Variants in ZFHX3 observed in about 807,000 individuals in gnomAD.
ZFHX3 encodes the protein zinc finger homeobox protein 3.
In ZFHX3, 42 loss-of-function variants were observed where a neutral mutation model predicts 279.1. The ratio of observed to expected loss-of-function variants is 0.15; its 90% CI spans 0.12 to 0.19. The LOEUF (loss-of-function observed/expected upper bound fraction) is 0.19, where lower values mean the gene tolerates loss of function less well. Among genes scored for constraint, ZFHX3 ranks in the 10% least tolerant of loss-of-function variants. The probability of loss-of-function intolerance (pLI) is 1.00; values close to 1 mark genes in which losing one functional copy is unlikely to be tolerated. For synonymous variants in ZFHX3, 2,293 were observed against 1,957.8 expected, an observed-to-expected ratio of 1.17 and a Z score of -4.52; for missense variants, 4,981 against 4,754.0, an observed-to-expected ratio of 1.05 and a Z score of -1.40.
intron 4 of ZFHX3, among the ~76,000 whole-genome samples, chr16:73,276,248 A>T (rs1293251762): frequency 6.9e-6 from 1 of 145,848 alleles, no homozygotes; most frequent in African/African-American, 2.6e-5. Context: ...CAATGGTGCG[A>T]TCTCAGCTCA....
intron 4 of ZFHX3, among the ~76,000 whole-genome samples, chr16:73,281,344 C>G (rs139417080): frequency 6.6e-6 from 1 of 152,066 alleles, no homozygotes; most frequent in African/African-American, 2.4e-5. Flanking sequence ...TGGATGAACC[C>G]AGAGGACACT....
At chr16:73,121,271 TAACAC>T (rs1435379065) in intron 7 of ZFHX3, among the ~76,000 whole-genome samples, 1 of 152,230 alleles carries the variant, frequency 6.6e-6, no homozygotes, top group African/African-American at 2.4e-5. Context: ...TTCAAAGACT[TAACAC>T]AATAAAAAGA....
intron 6 of ZFHX3, among the ~76,000 whole-genome samples, chr16:73,138,945 C>G (rs905786232): frequency 5.3e-5 from 8 of 152,196 alleles, no homozygotes; most frequent in Non-Finnish European, 7.4e-5. Flanking sequence ...CCTGCCTCGG[C>G]CTCCCAAAGG....
chr16:72,906,935 G>C (rs2039189881), intron 3 of ZFHX3, among the ~76,000 whole-genome samples: 1 of 152,208 alleles, frequency 6.6e-6, no homozygotes, highest in Non-Finnish European at 1.5e-5. Context: ...CAGGTGGAAA[G>C]CATCAGGACA....
intron 3 of ZFHX3, among the ~76,000 whole-genome samples, chr16:72,924,645 A>C (rs926014659): frequency 6.6e-6 from 1 of 152,188 alleles, no homozygotes; most frequent in Non-Finnish European, 1.5e-5. Context: ...ACCAGCCCTA[A>C]GAAGCCAACA....
intron 6 of ZFHX3, among the ~76,000 whole-genome samples, chr16:73,142,050 C>A (rs1434578959): frequency 6.6e-6 from 1 of 152,226 alleles, no homozygotes; most frequent in Admixed American, 6.5e-5. Flanking sequence ...CACATCATCA[C>A]CCTGCCATCT....
intron 8 of ZFHX3, among the ~76,000 whole-genome samples, chr16:73,077,961 C>T (rs374901265): frequency 2.6e-4 from 40 of 152,234 alleles, no homozygotes; most frequent in African/African-American, 8.7e-4. Context: ...GCTGCCACCA[C>T]GCCCAGCTAA....
chr16:73,780,265 A>T (rs1284488585), intron 1 of ZFHX3, among the ~76,000 whole-genome samples: 1 of 149,278 alleles, frequency 6.7e-6, no homozygotes, highest in East Asian at 2.0e-4. Context: ...CTTGTGCCTC[A>T]GCCTCCTGAG....
At chr16:73,342,319 C>T (rs1255018696) in intron 3 of ZFHX3, among the ~76,000 whole-genome samples, 2 of 152,096 alleles carry the variant, frequency 1.3e-5, no homozygotes, top group Admixed American at 1.3e-4. Context: ...TAGGAATTCA[C>T]CTAGGTAATT....
At chr16:73,703,599 G>C (rs1392055540) in intron 1 of ZFHX3, among the ~76,000 whole-genome samples, 3 of 152,104 alleles carry the variant, frequency 2.0e-5, no homozygotes, top group East Asian at 1.9e-4. Context: ...TAACGAACCA[G>C]TAATAAAGAA....
chr16:73,226,214 G>A (rs2012586386), intron 5 of ZFHX3, among the ~76,000 whole-genome samples: 1 of 152,116 alleles, frequency 6.6e-6, no homozygotes, highest in Admixed American at 6.5e-5. Context: ...GGCCTCCCAG[G>A]TGCCTCAAAA....
intron 1 of ZFHX3, among the ~76,000 whole-genome samples, chr16:72,989,967 A>G (rs1268374917): frequency 6.6e-6 from 1 of 152,212 alleles, no homozygotes; most frequent in African/African-American, 2.4e-5. Flanking sequence ...AGGAGTCAGG[A>G]GGCCCAGACC....
Position 72,957,812 on chromosome 16 carries a change from A to C in ZFHX3, c.2334T>G (p.Ala778=), listed in dbSNP as rs1412719611. The change falls in exon 2 of 10, where the codon GCT becomes GCG. Residue 778 remains alanine (A), a synonymous_variant. Coordinates refer to ENST00000268489, the MANE Select transcript of ZFHX3 (RefSeq NM_006885.4). ...TGATATTGGCTGCCGCCGCCGCCGC[A>C]GCCACCGCCGCCGCCGCCGCCCCGG... The part of the protein sequence containing the change: ...HTAGAAAAAV[A]AAAAAANISS... The C allele has an allele frequency of 1.3e-4, 206 of 1,582,092 alleles. No homozygotes were observed. The highest frequency in any genetic ancestry group is 1.7e-4 in the Non-Finnish European group (193 of 1,155,668).
chr16:73,273,232 A>G (rs373414141), intron 4 of ZFHX3, among the ~76,000 whole-genome samples: 22 of 152,326 alleles, frequency 1.4e-4, no homozygotes, highest in African/African-American at 5.3e-4. Flanking sequence ...ACTTCTAACA[A>G]AAAAGCATAG....
chr16:72,863,750 G>A (rs377505931), intron 4 of ZFHX3, among the ~76,000 whole-genome samples: 7 of 152,194 alleles, frequency 4.6e-5, no homozygotes, highest in East Asian at 1.9e-4. Context: ...TCCAACTCAG[G>A]AACACAGATG....
chr16:73,851,003 T>G (rs1877353), intron 1 of ZFHX3, among the ~76,000 whole-genome samples: 3 of 152,132 alleles, frequency 2.0e-5, no homozygotes, highest in Admixed American at 6.5e-5. Flanking sequence ...TTATCCTTTT[T>G]TTCCCCCTCC....
Position 72,958,888 on chromosome 16 carries a change from G to C in ZFHX3, c.1258C>G (p.Leu420Val), listed in dbSNP as rs780117997. The C allele has an allele frequency of 6.2e-7, 1 of 1,610,370 alleles. No homozygotes were observed. The highest frequency in any genetic ancestry group is 8.5e-7 in the Non-Finnish European group (1 of 1,177,968). The change falls in exon 2 of 10, where the codon CTG becomes GTG. Residue 420 changes from leucine (L) to valine (V), a missense_variant. Around this residue, in one of 7 missense-constraint regions of ZFHX3, gnomAD observed 1,068 missense variants for 935.2 expected, o/e 1.14. Transcript: ENST00000268489. The part of the protein sequence containing the change: ...VLKTPITSVP[L>V]GPLASSPTKS... ...GTAGGACTGGAAGCCAGAGGCCCCA[G>C]GGGGACTGAGGTAATGGGGGTCTTC...
intron 3 of ZFHX3, among the ~76,000 whole-genome samples, chr16:73,360,545 G>A (rs528320158): frequency 6.6e-6 from 1 of 152,146 alleles, no homozygotes; most frequent in Non-Finnish European, 1.5e-5. Context: ...CGCCATGTTG[G>A]CCAGGCTGAT....
chr16:73,243,087 G>A (rs1438803973), intron 5 of ZFHX3, among the ~76,000 whole-genome samples: 2 of 152,212 alleles, frequency 1.3e-5, no homozygotes, highest in Non-Finnish European at 2.9e-5. Flanking sequence ...GGAGAGCTGA[G>A]TGGTCCAGAC....
Sources: gnomAD v4.1 joint callset for allele counts (sites outside exome capture counted in the v4.1 genomes callset) on GRCh38, gnomAD v4.1.1 for gene constraint, gnomAD v4.1.1 regional missense constraint, MANE v1.5 for transcripts, NCBI Gene and HGNC (gene_info 2026-07-23, HGNC 2026-07-21) for gene names.